Variants in HPRT1 observed in about 807,000 individuals in gnomAD.
The protein encoded by HPRT1 is hypoxanthine phosphoribosyltransferase 1, also known as hypoxanthine-guanine phosphoribosyltransferase.
HPRT1 carries 4 observed loss-of-function variants against 19.0 expected under a neutral mutation model. That is an observed-to-expected ratio of 0.21 (90% CI 0.10 to 0.48). HPRT1 has a LOEUF of 0.48. Among genes scored for constraint, HPRT1 ranks in the 20% least tolerant of loss-of-function variants. The probability of loss-of-function intolerance (pLI) is 0.98; values close to 1 mark genes in which losing one functional copy is unlikely to be tolerated. For missense variants in HPRT1, 65 were observed against 164.0 expected (o/e 0.40, Z 3.30); for synonymous variants, 53 against 54.9 (o/e 0.97, Z 0.15).
chrX:134,490,516 TCTTG>T (rs1235296638), intron 5 of HPRT1, among the ~76,000 whole-genome samples: 5 of 104,883 alleles, frequency 4.8e-5, no homozygotes, highest in Non-Finnish European at 9.7e-5. Context: ...TATATATATA[TCTTG>T]CTTAGATTTT....
chrX:134,477,917 C>A (rs752097731), intron 3 of HPRT1, among the ~76,000 whole-genome samples: 1 of 111,751 alleles, frequency 8.9e-6, no homozygotes, highest in South Asian at 3.7e-4. Context: ...CTCAAGCAGT[C>A]TTCCTGCCTC....
At chrX:134,468,535 C>A (rs1490455987) in intron 1 of HPRT1, among the ~76,000 whole-genome samples, 1 of 109,874 alleles carries the variant, frequency 9.1e-6, no homozygotes, top group Non-Finnish European at 1.9e-5. Flanking sequence ...GCAGGCAGAT[C>A]ACCTGAGGTG....
At chrX:134,478,427 G>A (rs1433343573) in intron 3 of HPRT1, among the ~76,000 whole-genome samples, 1 of 110,986 alleles carries the variant, frequency 9.0e-6, no homozygotes, top group African/African-American at 3.3e-5. Context: ...GACCAGCCTA[G>A]ACAACATAAT....
chrX:134,496,369 T>C (rs1331553477), intron 6 of HPRT1, among the ~76,000 whole-genome samples: 1 of 112,108 alleles, frequency 8.9e-6, no homozygotes. Context: ...TTTACATATA[T>C]CTTCTTAAGA....
intron 3 of HPRT1, among the ~76,000 whole-genome samples, chrX:134,477,778 A>G (rs1333495527): frequency 8.9e-6 from 1 of 112,014 alleles, no homozygotes; most frequent in Non-Finnish European, 1.9e-5. Flanking sequence ...GGCTCAAGTG[A>G]TTCTCCCACT....
intron 1 of HPRT1, among the ~76,000 whole-genome samples, chrX:134,471,394 T>C (rs1313811837): frequency 9.0e-6 from 1 of 111,628 alleles, no homozygotes; most frequent in Non-Finnish European, 1.9e-5. Context: ...ATATCAGTGT[T>C]ATTAAATATT....
Position 134,460,168 on chromosome X carries a change from T to C in HPRT1, c.-144T>C, listed in dbSNP as rs1473299164. The C allele has an allele frequency of 1.2e-5, 7 of 577,641 alleles. No individual in the cohort carries two copies. Among genetic ancestry groups the C allele is most frequent in the East Asian group, 5.2e-5 (1 of 19,155 alleles). 47.6% of individuals were successfully genotyped at this position (577,641 alleles called of 1,213,427 possible). A position where few individuals can be genotyped will look rare whatever the true frequency, so the allele number is the denominator to read the frequency against. On this transcript the variant is annotated 5_prime_UTR_variant, in exon 1 of 9. Coordinates refer to ENST00000298556, the MANE Select transcript of HPRT1 (RefSeq NM_000194.3). ...AGGGCGGGGCCTGCTTCTCCTCAGC[T>C]TCAGGCGGCTGCGACGAGCCCTCAG...
chrX:134,467,671 A>G (rs1291290776), intron 1 of HPRT1, among the ~76,000 whole-genome samples: 1 of 111,623 alleles, frequency 9.0e-6, no homozygotes, highest in African/African-American at 3.3e-5. Flanking sequence ...GTTTGGGATG[A>G]TTAAAACTGA....
chrX:134,475,462 T>G, intron 3 of HPRT1, 98 bp downstream of exon 3: 1 of 545,671 alleles, frequency 1.8e-6, no homozygotes. Flanking sequence ...TCATTTCACT[T>G]GGTTACAGTG....
At chrX:134,492,207 T>C (rs925145128) in intron 5 of HPRT1, among the ~76,000 whole-genome samples, 1 of 107,280 alleles carries the variant, frequency 9.3e-6, no homozygotes, top group Admixed American at 1.0e-4. Context: ...TCATTTTAAT[T>C]ATAAAATATT....
At chrX:134,460,692 G>A (rs773688584) in intron 1 of HPRT1, among the ~76,000 whole-genome samples, 1 of 110,730 alleles carries the variant, frequency 9.0e-6, no homozygotes, top group Admixed American at 9.5e-5. Flanking sequence ...GGGGCGTGGG[G>A]GCTTTCTCGG....
rs866857147 is a variant in HPRT1, at chrX:134,472,162, C to T, written c.28-1197C>T. Among the ~76,000 whole-genome samples the T allele has an allele frequency of 3.6e-5, 4 of 109,763 alleles. 1 individual carries two copies. In the South Asian group the frequency reaches 1.2e-3, roughly 33 times the overall value. On this transcript the variant is annotated intron_variant, in intron 1 of 8. Transcript: ENST00000298556. ...ATTTTTACAAAGTTTTTTGTAGGGA[C>T]GGGGTCTTGCTACATTCCCCATGTC...
intron 1 of HPRT1, among the ~76,000 whole-genome samples, chrX:134,462,092 G>A (rs1413868173): frequency 8.1e-5 from 9 of 111,628 alleles, no homozygotes; most frequent in African/African-American, 2.9e-4. Context: ...CCAGGCTCAG[G>A]GGATTCTCCC....
intron 6 of HPRT1, among the ~76,000 whole-genome samples, chrX:134,495,223 A>G (rs1258340569): frequency 9.4e-6 from 1 of 106,693 alleles, no homozygotes; most frequent in Non-Finnish European, 1.9e-5. Flanking sequence ...AAAAGAATGC[A>G]TGGCCTAGAT....
chrX:134,499,127 G>A (rs1248703892), intron 8 of HPRT1, among the ~76,000 whole-genome samples: 1 of 111,225 alleles, frequency 9.0e-6, no homozygotes, highest in Non-Finnish European at 1.9e-5. Flanking sequence ...TTTTTGCCAC[G>A]TACACTGGCC....
intron 3 of HPRT1, among the ~76,000 whole-genome samples, chrX:134,475,868 C>G (rs2077623934): frequency 1.8e-5 from 2 of 111,878 alleles, no homozygotes; most frequent in African/African-American, 6.5e-5. Context: ...CACTTTTGAT[C>G]CACAGTCTGC....
chrX:134,495,168 C>G (rs1350873811), intron 6 of HPRT1, among the ~76,000 whole-genome samples: 1 of 102,310 alleles, frequency 9.8e-6, no homozygotes, highest in Non-Finnish European at 2.0e-5. Flanking sequence ...TGCACTCCAG[C>G]CTGGGTGACA....
intron 3 of HPRT1, among the ~76,000 whole-genome samples, chrX:134,480,306 G>T (rs2124294644): frequency 9.0e-6 from 1 of 111,026 alleles, no homozygotes; most frequent in South Asian, 3.8e-4. Flanking sequence ...TAACTGATGT[G>T]GATCCTCTAA....
intron 1 of HPRT1, among the ~76,000 whole-genome samples, chrX:134,463,578 A>G (rs920123069): frequency 1.8e-5 from 2 of 111,580 alleles, no homozygotes; most frequent in African/African-American, 6.5e-5. Flanking sequence ...TGACCTGCAT[A>G]CTACAAGTCT....
Sources: gnomAD v4.1 joint callset for allele counts (sites outside exome capture counted in the v4.1 genomes callset) on GRCh38, gnomAD v4.1.1 for gene constraint, MANE v1.5 for transcripts, NCBI Gene and HGNC (gene_info 2026-07-23, HGNC 2026-07-21) for gene names.